NUDCD3: variants seen among roughly 807,000 people sequenced by gnomAD.
NUDCD3 encodes the protein nudC domain-containing protein 3.
Under a neutral mutation model 39.7 loss-of-function variants are expected in NUDCD3, and 13 were observed. The ratio of observed to expected loss-of-function variants is 0.33; its 90% CI spans 0.21 to 0.52. The LOEUF is 0.52. Among genes scored for constraint, NUDCD3 ranks in the 20% least tolerant of loss-of-function variants. The pLI is 0.96. For synonymous variants in NUDCD3, 175 were observed against 172.4 expected (o/e 1.02, Z -0.12); for missense variants, 453 against 458.1 (o/e 0.99, Z 0.10).
chr7:44,429,232 G>C (rs1335741790), intron 2 of NUDCD3, among the ~76,000 whole-genome samples: 1 of 152,208 alleles, frequency 6.6e-6, no homozygotes, highest in African/African-American at 2.4e-5. Flanking sequence ...CGCTATGTTG[G>C]AATCTTAATC....
chr7:44,407,335 G>A (rs1434121644), intron 3 of NUDCD3, among the ~76,000 whole-genome samples: 3 of 151,686 alleles, frequency 2.0e-5, no homozygotes, highest in East Asian at 3.9e-4. Flanking sequence ...GGAGGCCGAG[G>A]CAGGCAGATC....
Position 44,416,932 on chromosome 7 carries a change from G to C in NUDCD3, c.642+10639C>G, listed in dbSNP as rs531213789. 3.9e-5 allele frequency among the ~76,000 whole-genome samples: 6 copies of C among 152,054 alleles called. No individual in the cohort carries two copies. The East Asian group carries it at 9.7e-4, about 24-fold the overall frequency. On this transcript the variant is annotated intron_variant, in intron 3 of 5. Transcript: ENST00000355451. ...CGACTGCCTGCATGATAGGAGGACT[G>C]GGGGGGACAACTCACTATTTCAAGA... is the stretch of plus-strand genomic sequence containing the variant.
intron 2 of NUDCD3, among the ~76,000 whole-genome samples, chr7:44,480,230 G>T (rs1013623513): frequency 6.6e-6 from 1 of 152,006 alleles, no homozygotes; most frequent in Non-Finnish European, 1.5e-5. Context: ...CTATTACTCA[G>T]AAATCAAAAC....
chr7:44,425,485 A>G (rs913642752), intron 3 of NUDCD3, among the ~76,000 whole-genome samples: 1 of 152,206 alleles, frequency 6.6e-6, no homozygotes, highest in African/African-American at 2.4e-5. Flanking sequence ...GAGATTTTTT[A>G]AAGTGGAAAT....
At chr7:44,402,570 A>C (rs1308757832) in intron 4 of NUDCD3, 6 of 448,454 alleles carry the variant, frequency 1.3e-5, no homozygotes, top group Non-Finnish European at 2.3e-5. Flanking sequence ...CTCAGAGACC[A>C]GTGACTAAGG....
rs1268859216 is a variant in NUDCD3 at position 44,379,393 on chromosome 7, G to T, written c.*6618C>A. The T allele has an allele frequency of 8.9e-6, 1 of 112,366 alleles. No individual in the cohort carries two copies. Among genetic ancestry groups the T allele is most frequent in the Non-Finnish European group, 1.9e-5 (1 of 53,606 alleles). The allele number at this position is 112,366 out of a possible 1,614,324, so 7.0% of individuals were successfully genotyped here. A position where few individuals can be genotyped will look rare whatever the true frequency, so the allele number is the denominator to read the frequency against. ...TGGCGGGGCGGGGCGGGGTGGGGGG[G>T]AACAGGGGACAGGGGTGGTCACAGG... On this transcript the variant is annotated 3_prime_UTR_variant, in exon 6 of 6. Transcript: ENST00000355451.
intron 2 of NUDCD3, among the ~76,000 whole-genome samples, chr7:44,463,030 T>C (rs971477957): frequency 5.3e-5 from 8 of 151,960 alleles, no homozygotes; most frequent in African/African-American, 1.9e-4. Flanking sequence ...TCTTTTGCAT[T>C]GTATGAGTGC....
At chr7:44,484,634 G>A (rs1040723355) in intron 2 of NUDCD3, 10 of 229,226 alleles carry the variant, frequency 4.4e-5, no homozygotes, top group African/African-American at 2.3e-4. Context: ...CCTGCAGAGA[G>A]AAAAACACAA....
At chr7:44,395,376 T>C (rs186529588) in intron 4 of NUDCD3, among the ~76,000 whole-genome samples, 3 of 152,314 alleles carry the variant, frequency 2.0e-5, no homozygotes, top group East Asian at 1.9e-4. Flanking sequence ...GCCGACTTTA[T>C]ATTGAACAAT....
rs2116854588 is a variant in NUDCD3, at chr7:44,387,126, T to TA, written c.976-1006dup. On this transcript the variant is annotated intron_variant, in intron 5 of 5. Coordinates refer to ENST00000355451, the MANE Select transcript of NUDCD3 (RefSeq NM_015332.4). ...CTCAGCACCAGGGCTTCTCCTTAAA[T>TA]AAAACATAATCTTCCTAACAAGAGG... Among the ~76,000 whole-genome samples the TA allele has an allele frequency of 2.6e-5, 4 of 152,316 alleles. 1 individual carries two copies. The highest frequency in any genetic ancestry group is 9.6e-5 in the African/African-American group (4 of 41,580).
chr7:44,427,442 G>A (rs1799257485), intron 3 of NUDCD3, 129 bp downstream of exon 3: 1 of 1,008,678 alleles, frequency 9.9e-7, no homozygotes, highest in East Asian at 2.5e-5. Context: ...TCCGAGGGCA[G>A]GAGAAGGAAC....
intron 2 of NUDCD3, among the ~76,000 whole-genome samples, chr7:44,446,313 C>T (rs1442706168): frequency 6.6e-6 from 1 of 152,110 alleles, no homozygotes; most frequent in South Asian, 2.1e-4. Flanking sequence ...GAATGGCCAC[C>T]CCAGAGAGCA....
intron 4 of NUDCD3, among the ~76,000 whole-genome samples, chr7:44,399,112 C>T (rs940889130): frequency 3.3e-5 from 5 of 152,240 alleles, no homozygotes; most frequent in Non-Finnish European, 7.3e-5. Flanking sequence ...GCGTTCCTTT[C>T]CTCTCCTCCA....
chr7:44,471,556 A>T (rs1400629807), intron 2 of NUDCD3, among the ~76,000 whole-genome samples: 1 of 152,178 alleles, frequency 6.6e-6, no homozygotes, highest in Non-Finnish European at 1.5e-5. Context: ...ACAAGAAAAG[A>T]CACACAAAGG....
chr7:44,407,228 G>T (rs1365053661), intron 3 of NUDCD3, among the ~76,000 whole-genome samples: 1 of 150,566 alleles, frequency 6.6e-6, no homozygotes. Context: ...CCATCAATAC[G>T]GTCCCACACT....
chr7:44,385,748 T>C lies in NUDCD3; in HGVS notation c.*263A>G. On this transcript the variant is annotated 3_prime_UTR_variant, in exon 6 of 6. Coordinates refer to ENST00000355451, the MANE Select transcript of NUDCD3 (RefSeq NM_015332.4). ...GGAGACAAAAGCATGTGATCCCAATTTGCTGGGATATCCTCTCCTGCATTT... is the reference window on the plus strand; with the variant it reads ...GGAGACAAAAGCATGTGATCCCAATCTGCTGGGATATCCTCTCCTGCATTT... 1 of 450,566 alleles carries C rather than the reference T, an allele frequency of 2.2e-6. No homozygotes were observed. Among genetic ancestry groups the C allele is most frequent in the Non-Finnish European group, 3.9e-6 (1 of 254,132 alleles). The allele number at this position is 450,566 out of a possible 1,614,324, so 27.9% of individuals were successfully genotyped here.
intron 5 of NUDCD3, among the ~76,000 whole-genome samples, chr7:44,388,958 G>C (rs938127825): frequency 5.9e-5 from 9 of 152,230 alleles, no homozygotes; most frequent in Non-Finnish European, 8.8e-5. Flanking sequence ...TTCCTAACTG[G>C]GTCGCTGCCC....
chr7:44,418,737 A>C (rs1346501130), intron 3 of NUDCD3, among the ~76,000 whole-genome samples: 2 of 152,192 alleles, frequency 1.3e-5, no homozygotes, highest in East Asian at 3.9e-4. Context: ...TGTTCATCTC[A>C]TTGGGACTAG....
chr7:44,468,489 T>C (rs1388663395), intron 2 of NUDCD3, among the ~76,000 whole-genome samples: 1 of 152,154 alleles, frequency 6.6e-6, no homozygotes, highest in Admixed American at 6.5e-5. Context: ...TTCATACTCT[T>C]ATTCCATAAC....
Sources: allele counts gnomAD v4.1 joint callset (sites outside exome capture counted in the v4.1 genomes callset), GRCh38; gene constraint gnomAD v4.1.1; transcripts MANE v1.5; gene names NCBI Gene and HGNC (gene_info 2026-07-23, HGNC 2026-07-21).